MEAF6: variants seen among roughly 807,000 people sequenced by gnomAD.
The protein encoded by MEAF6 is chromatin modification-related protein MEAF6.
MEAF6 carries 15 observed loss-of-function variants against 28.9 expected under a neutral mutation model. The observed-to-expected ratio is 0.52, with a 90% confidence interval of 0.35 to 0.80. The LOEUF is 0.80. Ranked by LOEUF, MEAF6 falls within the 30% of genes least tolerant of loss-of-function variation. MEAF6 has a pLI of 0.01. For synonymous variants in MEAF6, 97 were observed against 88.7 expected (o/e 1.09, Z -0.53); for missense variants, 178 against 237.5 (o/e 0.75, Z 1.65).
intron 4 of MEAF6, among the ~76,000 whole-genome samples, chr1:37,502,677 G>A (rs1292422134): frequency 1.3e-5 from 2 of 148,570 alleles, no homozygotes; most frequent in Non-Finnish European, 3.0e-5. Flanking sequence ...GAGTGCAGTG[G>A]TGGAATCTCT....
At chr1:37,499,129 C>A (rs1443037539) in intron 5 of MEAF6, among the ~76,000 whole-genome samples, 2 of 151,776 alleles carry the variant, frequency 1.3e-5, no homozygotes, top group African/African-American at 4.8e-5. Context: ...CCAGCCTGGG[C>A]AATCCAGCAA....
At chr1:37,505,835 GA>G (rs1249889810) in intron 4 of MEAF6, among the ~76,000 whole-genome samples, 1 of 152,134 alleles carries the variant, frequency 6.6e-6, no homozygotes, top group Non-Finnish European at 1.5e-5. Context: ...ATTCAATGAA[GA>G]AAGAAAGTCT....
chr1:37,509,624 T>G, intron 2 of MEAF6, 82 bp from the exon 3 acceptor site: 1 of 1,219,222 alleles, frequency 8.2e-7, no homozygotes, highest in Admixed American at 2.1e-5. Flanking sequence ...TCATGTTCCA[T>G]GCAGGAAGCT....
chr1:37,507,522 G>T (rs913036221), intron 4 of MEAF6, among the ~76,000 whole-genome samples: 13 of 151,500 alleles, frequency 8.6e-5, no homozygotes, highest in African/African-American at 3.1e-4. Context: ...TGGTATAATT[G>T]ATGAGGCTGG....
In MEAF6 at chr1:37,494,060, G is replaced by A. The variant is rs755329017; in HGVS notation, c.*39C>T. 2.0e-5 allele frequency: 32 copies of A among 1,603,924 alleles called. No individual in the cohort carries two copies. The highest frequency in any genetic ancestry group is 2.6e-5 in the Non-Finnish European group (31 of 1,177,492). On this transcript the variant is annotated 3_prime_UTR_variant, in exon 7 of 7. Coordinates refer to ENST00000296214, the MANE Select transcript of MEAF6 (RefSeq NM_001270875.3). ...TTTGTGAGGTCAGAGAAGGGAAGCA[G>A]GGCTCTACAGCCTGGAAGCTTCTGC...
In MEAF6 at chr1:37,514,750, G is replaced by C; in HGVS notation, c.-4C>G. 2 of 1,471,540 alleles carry C rather than the reference G, an allele frequency of 1.4e-6. No homozygotes were observed. The highest frequency in any genetic ancestry group is 2.6e-5 in the South Asian group (2 of 76,818). The allele number at this position is 1,471,540 out of a possible 1,614,324, so 91.2% of individuals were successfully genotyped here. A position where few individuals can be genotyped will look rare whatever the true frequency, so the allele number is the denominator to read the frequency against. ...CCGCCTTGTTGTGCATCGCCATGTT[G>C]GGCTGAGGCGGGCGGCGGCGGCGCG... On this transcript the variant is annotated 5_prime_UTR_variant, in exon 1 of 7. Coordinates refer to ENST00000296214, the MANE Select transcript of MEAF6 (RefSeq NM_001270875.3).
At chr1:37,510,381 A>ATTTTTTT (rs34785696) in intron 2 of MEAF6, among the ~76,000 whole-genome samples, 2 of 95,014 alleles carry the variant, frequency 2.1e-5, no homozygotes, top group Non-Finnish European at 1.9e-5. Flanking sequence ...GCACCTAGCC[A>ATTTTTTT]TTTTTTTTTT....
rs570783341 is a variant in MEAF6 at position 37,496,811 on chromosome 1, C to T, written c.534-893G>A. 1.2e-5 allele frequency: 18 copies of T among 1,465,986 alleles called. No homozygotes were observed. In the South Asian group the frequency reaches 2.4e-4, roughly 20 times the overall value. The allele number at this position is 1,465,986 out of a possible 1,614,324, so 90.8% of individuals were successfully genotyped here. A position where few individuals can be genotyped will look rare whatever the true frequency, so the allele number is the denominator to read the frequency against. On this transcript the variant is annotated intron_variant, in intron 5 of 6. Coordinates refer to ENST00000296214, the MANE Select transcript of MEAF6 (RefSeq NM_001270875.3). ...ATTGAATAAATTAGTCGATTAGCCA[C>T]CCTAGCAAGAATTGTAGAAACAAAA...
At chr1:37,506,689 GT>G (rs1642496162) in intron 4 of MEAF6, among the ~76,000 whole-genome samples, 1 of 152,030 alleles carries the variant, frequency 6.6e-6, no homozygotes, top group African/African-American at 2.4e-5. Context: ...GCCTTTTCAG[GT>G]TTTTGTTTTG....
At chr1:37,509,597 T>C in intron 2 of MEAF6, 55 bp from the exon 3 acceptor site, 1 of 1,495,866 alleles carries the variant, frequency 6.7e-7, no homozygotes, top group Non-Finnish European at 9.2e-7. Context: ...TGGCTCAAGC[T>C]GGGGATGCCC....
intron 1 of MEAF6, 28 bp downstream of exon 1, chr1:37,514,629 C>T: frequency 6.8e-7 from 1 of 1,477,780 alleles, no homozygotes; most frequent in Non-Finnish European, 9.0e-7. Context: ...GAGCCCCATG[C>T]CGTGCAACCC....
In MEAF6 at chr1:37,493,084, C is replaced by T. The variant is rs1641992591; in HGVS notation, c.*1015G>A. On this transcript the variant is annotated 3_prime_UTR_variant, in exon 7 of 7. Transcript: ENST00000296214. ...CAAGAAAGGGAGACCTGGTGGGCAA[C>T]ACTGGCTCTCACTGATGCTATCCTT... The T allele has an allele frequency of 6.6e-6, 1 of 152,242 alleles. No homozygotes were observed. The highest frequency in any genetic ancestry group is 2.4e-5 in the African/African-American group (1 of 41,456). 9.4% of individuals were successfully genotyped at this position (152,242 alleles called of 1,614,324 possible). A position where few individuals can be genotyped will look rare whatever the true frequency, so the allele number is the denominator to read the frequency against.
intron 5 of MEAF6, among the ~76,000 whole-genome samples, chr1:37,498,208 C>T (rs761685084): frequency 6.6e-6 from 1 of 152,152 alleles, no homozygotes; most frequent in African/African-American, 2.4e-5. Flanking sequence ...CAATATCTCT[C>T]ACAAAATAGT....
In MEAF6 at chr1:37,492,002, C is replaced by T. The variant is rs1178126948; in HGVS notation, c.*2097G>A. Among the ~76,000 whole-genome samples the T allele has an allele frequency of 6.7e-6, 1 of 148,646 alleles. No individual in the cohort carries two copies. The highest frequency in any genetic ancestry group is 2.0e-4 in the East Asian group (1 of 5,064). Reference sequence around the variant, plus strand: ...GCAACAGAGCAGTACTATTCCATCTCTAGCAATCTCAAACTGTTAAGAGTC... The same window carrying T: ...GCAACAGAGCAGTACTATTCCATCTTTAGCAATCTCAAACTGTTAAGAGTC... On this transcript the variant is annotated 3_prime_UTR_variant, in exon 7 of 7. Transcript: ENST00000296214.
At chr1:37,496,066 G>A in intron 5 of MEAF6, 148 bp from the exon 6 acceptor site, 1 of 674,470 alleles carries the variant, frequency 1.5e-6, no homozygotes, top group Non-Finnish European at 2.5e-6. Flanking sequence ...ATATTTAGTT[G>A]TTTACCCAGA....
At chr1:37,502,026 T>C (rs543296788) in intron 4 of MEAF6, 30 bp from the exon 5 acceptor site, 11 of 1,574,040 alleles carry the variant, frequency 7.0e-6, no homozygotes, top group South Asian at 5.7e-5. Context: ...AGTTTCCAAA[T>C]GCATCATCAG....
chr1:37,492,175 C>T lies in MEAF6; in HGVS notation c.*1924G>A, dbSNP rs964819823. Among the ~76,000 whole-genome samples, 1 of 152,064 alleles carries T rather than the reference C, an allele frequency of 6.6e-6. No homozygotes were observed. Among genetic ancestry groups the T allele is most frequent in the Non-Finnish European group, 1.5e-5 (1 of 68,014 alleles). The stretch of plus-strand genomic sequence containing the variant: ...TCCCGAGTAGCTGGGACTACCGGCA[C>T]CCGCCACCACGCTCAGCTAATTTTT... On this transcript the variant is annotated 3_prime_UTR_variant, in exon 7 of 7. Transcript: ENST00000296214.
At chr1:37,503,272 G>A (rs181344384) in intron 4 of MEAF6, among the ~76,000 whole-genome samples, 19 of 152,180 alleles carry the variant, frequency 1.2e-4, no homozygotes, top group Non-Finnish European at 2.4e-4. Context: ...ATCTTCAGCT[G>A]ACACATATTC....
chr1:37,504,692 A>C (rs1368351868), intron 4 of MEAF6, among the ~76,000 whole-genome samples: 1 of 149,856 alleles, frequency 6.7e-6, no homozygotes, highest in Non-Finnish European at 1.5e-5. Flanking sequence ...GAATCACTTG[A>C]ACCCGGGAGG....
Sources: allele counts gnomAD v4.1 joint callset (sites outside exome capture counted in the v4.1 genomes callset), GRCh38; gene constraint gnomAD v4.1.1; transcripts MANE v1.5; gene names NCBI Gene and HGNC (gene_info 2026-07-23, HGNC 2026-07-21).